FBXL20: variants seen among roughly 807,000 people sequenced by gnomAD.
FBXL20 encodes the protein F-box and leucine rich repeat protein 20, also known as F-box/LRR-repeat protein 20.
In FBXL20, 11 loss-of-function variants were observed where a neutral mutation model predicts 64.0. The observed-to-expected ratio is 0.17, with a 90% CI of 0.11 to 0.28. FBXL20 has a LOEUF of 0.28. FBXL20 is among the 10% of genes least tolerant of loss of function. The pLI is 1.00. For synonymous variants in FBXL20, 184 were observed against 189.0 expected, an observed-to-expected ratio of 0.97 and a Z score of 0.22; for missense variants, 303 against 526.2, an observed-to-expected ratio of 0.58 and a Z score of 4.15.
chr17:39,330,902 A>G (rs2047453818), intron 2 of FBXL20, among the ~76,000 whole-genome samples: 1 of 152,232 alleles, frequency 6.6e-6, no homozygotes. Context: ...TCTCCAAGAG[A>G]GATAAATGAT....
At chr17:39,357,173 T>C (rs2047749814) in intron 1 of FBXL20, among the ~76,000 whole-genome samples, 1 of 149,382 alleles carries the variant, frequency 6.7e-6, no homozygotes, top group South Asian at 2.1e-4. Context: ...CTTGGGAGGC[T>C]GAGGCAGGAG....
chr17:39,272,423 G>C (rs2046852747), intron 10 of FBXL20, among the ~76,000 whole-genome samples: 1 of 149,216 alleles, frequency 6.7e-6, no homozygotes. Flanking sequence ...AATTCCAAGA[G>C]ATGGCCAGGT....
At chr17:39,305,395 G>A (rs983820705) in intron 2 of FBXL20, among the ~76,000 whole-genome samples, 6 of 152,148 alleles carry the variant, frequency 3.9e-5, no homozygotes, top group Non-Finnish European at 8.8e-5. Flanking sequence ...AATAGTTCAG[G>A]GAATCCTGGA....
Position 39,379,491 on chromosome 17 carries a change from A to AAAAAAG in FBXL20, c.42+21869_42+21870insCTTTTT, listed in dbSNP as rs1304392334. Reference sequence around the variant, plus strand: ...GCAAGACCCCATCCCTTACCAAAAAAAAAAAAACTGGCCAGGCACAGTGGC... The same window carrying AAAAAAG: ...GCAAGACCCCATCCCTTACCAAAAAAAAAAAGAAAAAAACTGGCCAGGCACAGTGGC... On this transcript the variant is annotated intron_variant, in intron 1 of 14. Transcript: ENST00000264658. Among the ~76,000 whole-genome samples, 159 of 151,244 alleles carry AAAAAAG rather than the reference A, an allele frequency of 1.1e-3. 2 individuals are homozygous for AAAAAAG. Among genetic ancestry groups the AAAAAAG allele is most frequent in the African/African-American group, 3.8e-3 (155 of 41,240 alleles).
At chr17:39,268,622 C>T (rs1018741192) in intron 12 of FBXL20, among the ~76,000 whole-genome samples, 2 of 152,076 alleles carry the variant, frequency 1.3e-5, no homozygotes, top group Non-Finnish European at 1.5e-5. Flanking sequence ...CTAATGGCAA[C>T]CTGATTGATG....
chr17:39,371,961 C>A (rs1209020725), intron 1 of FBXL20, among the ~76,000 whole-genome samples: 1 of 152,102 alleles, frequency 6.6e-6, no homozygotes, highest in Non-Finnish European at 1.5e-5. Flanking sequence ...CCATCTTATC[C>A]CTGCCTTCTG....
intron 2 of FBXL20, among the ~76,000 whole-genome samples, chr17:39,330,093 G>C (rs1306873387): frequency 2.0e-5 from 3 of 151,984 alleles, no homozygotes; most frequent in Non-Finnish European, 1.5e-5. Flanking sequence ...AGGAGTTCAA[G>C]ACCAGCCTGG....
chr17:39,308,374 A>G (rs557746119), intron 2 of FBXL20, among the ~76,000 whole-genome samples: 2 of 152,166 alleles, frequency 1.3e-5, no homozygotes, highest in East Asian at 3.9e-4. Flanking sequence ...GCACGCCTGT[A>G]GTCCTAGCTA....
intron 7 of FBXL20, among the ~76,000 whole-genome samples, 179 bp from the exon 8 acceptor site, chr17:39,283,034 T>G (rs1204625569): frequency 6.6e-6 from 1 of 152,232 alleles, no homozygotes; most frequent in African/African-American, 2.4e-5. Flanking sequence ...CATGGGACTA[T>G]ACCATTAGCA....
At chr17:39,349,540 T>G (rs770083358) in intron 1 of FBXL20, among the ~76,000 whole-genome samples, 3 of 150,548 alleles carry the variant, frequency 2.0e-5, no homozygotes, top group Non-Finnish European at 3.0e-5. Flanking sequence ...GCAAGCAGTG[T>G]TTACACCACT....
intron 1 of FBXL20, among the ~76,000 whole-genome samples, chr17:39,370,159 G>C (rs1372378909): frequency 6.6e-6 from 1 of 150,724 alleles, no homozygotes; most frequent in Non-Finnish European, 1.5e-5. Context: ...TAAAAATAAT[G>C]TTTGCATGTG....
intron 1 of FBXL20, among the ~76,000 whole-genome samples, chr17:39,363,694 C>T (rs578096680): frequency 6.6e-6 from 1 of 151,154 alleles, no homozygotes; most frequent in Non-Finnish European, 1.5e-5. Context: ...GTCAATAGTC[C>T]CAGCTACTTG....
At chr17:39,275,154 AAAAG>A in intron 9 of FBXL20, 54 bp from the exon 10 acceptor site, 2 of 1,532,382 alleles carry the variant, frequency 1.3e-6, no homozygotes, top group Non-Finnish European at 1.8e-6. Context: ...GCAAAACAAA[AAAAG>A]AAAAAAATGA....
At chr17:39,393,704 TA>T (rs756558718) in intron 1 of FBXL20, among the ~76,000 whole-genome samples, 18 of 152,278 alleles carry the variant, frequency 1.2e-4, no homozygotes, top group Non-Finnish European at 2.4e-4. Flanking sequence ...ATGATTAGGG[TA>T]TAAGTAGGTT....
chr17:39,259,617 C>T lies in FBXL20; in HGVS notation c.*1843G>A, dbSNP rs11078897. 0.62 allele frequency: 93,997 copies of T among 151,880 alleles called. 32,266 individuals carry two copies. The highest frequency in any genetic ancestry group is 0.89 in the South Asian group (4,273 of 4,804). The allele number at this position is 151,880 out of a possible 1,614,324, so 9.4% of individuals were successfully genotyped here. A position where few individuals can be genotyped will look rare whatever the true frequency, so the allele number is the denominator to read the frequency against. ...GCCCAGGCTAAGCAGAGACACTAAA[C>T]CCCTTACTTCCTCTCAGTGTTCTCT... On this transcript the variant is annotated 3_prime_UTR_variant, in exon 15 of 15. Coordinates refer to ENST00000264658, the MANE Select transcript of FBXL20 (RefSeq NM_032875.3).
At chr17:39,307,733 G>C (rs544727602) in intron 2 of FBXL20, among the ~76,000 whole-genome samples, 1 of 151,888 alleles carries the variant, frequency 6.6e-6, no homozygotes, top group Non-Finnish European at 1.5e-5. Context: ...CACTTTGGGA[G>C]GCCGAGGCGG....
At chr17:39,384,015 C>T (rs1393057766) in intron 1 of FBXL20, among the ~76,000 whole-genome samples, 2 of 151,958 alleles carry the variant, frequency 1.3e-5, no homozygotes, top group Non-Finnish European at 2.9e-5. Flanking sequence ...AGGAGGACTG[C>T]TTGAGCTCAG....
At chr17:39,372,355 C>T (rs930178368) in intron 1 of FBXL20, among the ~76,000 whole-genome samples, 2 of 151,266 alleles carry the variant, frequency 1.3e-5, no homozygotes, top group Non-Finnish European at 2.9e-5. Flanking sequence ...CCCGTCTCTA[C>T]TTAAAATACA....
chr17:39,273,355 C>G (rs1480016783), intron 10 of FBXL20, among the ~76,000 whole-genome samples: 1 of 152,078 alleles, frequency 6.6e-6, no homozygotes, highest in Non-Finnish European at 1.5e-5. Flanking sequence ...GCCAGGTAAT[C>G]ATCAGAAACA....
Sources: allele counts gnomAD v4.1 joint callset (sites outside exome capture counted in the v4.1 genomes callset), GRCh38; gene constraint gnomAD v4.1.1; transcripts MANE v1.5; gene names NCBI Gene and HGNC (gene_info 2026-07-23, HGNC 2026-07-21).